The following PDE1C variants were observed in gnomAD, a reference collection of about 807,000 sequenced individuals.
PDE1C encodes phosphodiesterase 1C.
Under a neutral mutation model 93.1 loss-of-function variants are expected in PDE1C, and 62 were observed. The ratio of observed to expected loss-of-function variants is 0.67; its 90% CI spans 0.54 to 0.82. The LOEUF (loss-of-function observed/expected upper bound fraction) is 0.82, where lower values mean the gene tolerates loss of function less well. Among genes scored for constraint, PDE1C ranks in the 40% least tolerant of loss-of-function variants. The pLI, the probability that PDE1C is intolerant of heterozygous loss-of-function variation, is 0.00. For synonymous variants in PDE1C, 325 were observed against 310.1 expected, an observed-to-expected ratio of 1.05 and a Z score of -0.50; for missense variants, 742 against 884.6, an observed-to-expected ratio of 0.84 and a Z score of 2.04.
chr7:32,194,868 C>T (rs1804505586), intron 2 of PDE1C, among the ~76,000 whole-genome samples: 1 of 152,018 alleles, frequency 6.6e-6, no homozygotes, highest in African/African-American at 2.4e-5. Flanking sequence ...TTCCTGCCTT[C>T]CTGTGGCTTA....
At chr7:32,222,945 T>G (rs941820465) in intron 1 of PDE1C, among the ~76,000 whole-genome samples, 2 of 152,196 alleles carry the variant, frequency 1.3e-5, no homozygotes, top group African/African-American at 4.8e-5. Context: ...TCTGTCATAC[T>G]CATAGCCCTT....
At chr7:32,414,294 T>C (rs1310517098) in intron 1 of PDE1C, among the ~76,000 whole-genome samples, 1 of 151,498 alleles carries the variant, frequency 6.6e-6, no homozygotes, top group Admixed American at 6.6e-5. Flanking sequence ...AGAACACTCA[T>C]TAAAAAAAGA....
chr7:31,889,040 C>A (rs191346856), intron 2 of PDE1C, among the ~76,000 whole-genome samples: 1 of 152,170 alleles, frequency 6.6e-6, no homozygotes, highest in African/African-American at 2.4e-5. Context: ...AGAATCCATG[C>A]TCATGAATTT....
chr7:32,252,803 A>C (rs1193459076), intron 1 of PDE1C, among the ~76,000 whole-genome samples: 1 of 152,248 alleles, frequency 6.6e-6, no homozygotes, highest in Non-Finnish European at 1.5e-5. Context: ...TTGAAATTAA[A>C]AGACATACAA....
chr7:31,745,925 G>A, the PDE1C span, among the ~76,000 whole-genome samples: 4 of 152,284 alleles, frequency 2.6e-5, no homozygotes, highest in East Asian at 5.8e-4. Context: ...TATGGTGGGC[G>A]AGTAGGGGAA....
intron 12 of PDE1C, among the ~76,000 whole-genome samples, chr7:31,827,982 G>A (rs1273982413): frequency 5.3e-5 from 8 of 152,070 alleles, no homozygotes; most frequent in Non-Finnish European, 1.0e-4. Context: ...GCAGAATGGC[G>A]GGATGGAGTA....
rs117956538 is a variant in PDE1C at position 31,864,870 on chromosome 7, A to G, written c.750+72T>C. The G allele has an allele frequency of 3.2e-5, 47 of 1,468,494 alleles. No homozygotes were observed. The East Asian group carries it at 1.1e-3, about 34-fold the overall frequency. 91.0% of individuals were successfully genotyped at this position (1,468,494 alleles called of 1,614,324 possible). A position where few individuals can be genotyped will look rare whatever the true frequency, so the allele number is the denominator to read the frequency against. ...GACTCGTGGCCTCCACCTCATCAGA[A>G]TTGGAACAGTCACCATTAAAAACTC... On this transcript the variant is annotated intron_variant, in intron 7 of 17. Transcript: ENST00000396191.
intron 17 of PDE1C, among the ~76,000 whole-genome samples, chr7:31,760,057 CA>C (rs1446041136): frequency 2.0e-5 from 3 of 152,070 alleles, no homozygotes; most frequent in Non-Finnish European, 2.9e-5. Flanking sequence ...TACTGGAAAC[CA>C]AAGTGCCCTT....
chr7:31,842,017 G>A (rs112539772), intron 9 of PDE1C, among the ~76,000 whole-genome samples: 186 of 152,176 alleles, frequency 1.2e-3, no homozygotes, highest in African/African-American at 4.2e-3. Flanking sequence ...ATGTTAGGAA[G>A]GGCAATCTGC....
chr7:32,233,066 C>T (rs963788821), intron 1 of PDE1C, among the ~76,000 whole-genome samples: 1 of 152,100 alleles, frequency 6.6e-6, no homozygotes, highest in Non-Finnish European at 1.5e-5. Context: ...TAACAGACAT[C>T]AACGTTGAGA....
At chr7:32,079,789 C>G (rs1053825396) in intron 3 of PDE1C, among the ~76,000 whole-genome samples, 6 of 152,190 alleles carry the variant, frequency 3.9e-5, no homozygotes, top group African/African-American at 1.4e-4. Flanking sequence ...CGGGCTAAGC[C>G]TAGGACCGGC....
At chr7:32,401,398 G>A (rs995466217) in intron 1 of PDE1C, among the ~76,000 whole-genome samples, 13 of 152,022 alleles carry the variant, frequency 8.6e-5, no homozygotes, top group Non-Finnish European at 1.8e-4. Flanking sequence ...TTAGCTAGGC[G>A]TGGTGGCACG....
chr7:32,314,263 T>G (rs1466229836), intron 1 of PDE1C, among the ~76,000 whole-genome samples: 1 of 152,160 alleles, frequency 6.6e-6, no homozygotes, highest in Non-Finnish European at 1.5e-5. Context: ...ACATGATTTT[T>G]TTTCTTTCAC....
intron 5 of PDE1C, 69 bp from the exon 6 acceptor site, chr7:31,873,477 C>T: frequency 1.1e-6 from 1 of 896,320 alleles, no homozygotes; most frequent in Non-Finnish European, 1.8e-6. Context: ...AGTCTCCTCA[C>T]TTTCAAGTCC....
At chr7:31,887,077 G>A (rs192077027) in intron 2 of PDE1C, among the ~76,000 whole-genome samples, 189 of 152,278 alleles carry the variant, frequency 1.2e-3, no homozygotes, top group African/African-American at 4.4e-3. Context: ...CACACATAGT[G>A]AGTGAGATGG....
intron 9 of PDE1C, among the ~76,000 whole-genome samples, chr7:31,839,300 A>C (rs1791537589): frequency 6.6e-6 from 1 of 150,988 alleles, no homozygotes; most frequent in Non-Finnish European, 1.5e-5. Flanking sequence ...CATTGAAAAT[A>C]TACACACATA....
At chr7:32,056,957 C>T (rs1054809313) in intron 1 of PDE1C, among the ~76,000 whole-genome samples, 4 of 152,202 alleles carry the variant, frequency 2.6e-5, no homozygotes, top group African/African-American at 9.6e-5. Flanking sequence ...CATAAGGGGC[C>T]GTGTGCCTGC....
chr7:31,937,090 G>A (rs992830749), intron 2 of PDE1C, among the ~76,000 whole-genome samples: 1 of 152,080 alleles, frequency 6.6e-6, no homozygotes, highest in East Asian at 1.9e-4. Flanking sequence ...GTTAAGATAG[G>A]GGGGATTGTG....
chr7:31,643,515 C>T, the PDE1C span: 2 of 1,614,014 alleles, frequency 1.2e-6, no homozygotes, highest in Non-Finnish European at 1.7e-6. Context: ...TGTCCTCCAG[C>T]CTGGTGTCGG....
Sources: gnomAD v4.1 joint callset for allele counts (sites outside exome capture counted in the v4.1 genomes callset) on GRCh38, gnomAD v4.1.1 for gene constraint, MANE v1.5 for transcripts, NCBI Gene and HGNC (gene_info 2026-07-23, HGNC 2026-07-21) for gene names.